HTR7: variants seen among roughly 807,000 people sequenced by gnomAD.
HTR7 encodes the protein 5-hydroxytryptamine receptor 7.
In HTR7, 16 loss-of-function variants were observed where a neutral mutation model predicts 34.0. That is an observed-to-expected ratio of 0.47 (90% CI 0.32 to 0.71). HTR7 has a LOEUF of 0.71. Ranked by LOEUF, HTR7 falls within the 30% of genes least tolerant of loss-of-function variation. The pLI is 0.04. For synonymous variants in HTR7, 265 were observed against 260.2 expected, an observed-to-expected ratio of 1.02 and a Z score of -0.18; for missense variants, 504 against 625.5, an observed-to-expected ratio of 0.81 and a Z score of 2.07.
chr10:90,838,245 G>A (rs185346294), intron 1 of HTR7, among the ~76,000 whole-genome samples: 18 of 152,218 alleles, frequency 1.2e-4, no homozygotes, highest in African/African-American at 3.9e-4. Flanking sequence ...ATCATGTCTT[G>A]GTAAACAGTA....
At chr10:90,830,614 C>T (rs952885092) in intron 1 of HTR7, among the ~76,000 whole-genome samples, 1 of 151,908 alleles carries the variant, frequency 6.6e-6, no homozygotes, top group African/African-American at 2.4e-5. Flanking sequence ...GATGAAACCC[C>T]ATCTCTACAA....
intron 1 of HTR7, among the ~76,000 whole-genome samples, chr10:90,807,226 G>C (rs561220285): frequency 7.2e-5 from 11 of 152,142 alleles, no homozygotes; most frequent in Non-Finnish European, 1.6e-4. Flanking sequence ...GGTATTCTTA[G>C]AGAACAGCTG....
chr10:90,773,284 T>C (rs1355975795), intron 1 of HTR7, among the ~76,000 whole-genome samples: 3 of 152,200 alleles, frequency 2.0e-5, no homozygotes, highest in African/African-American at 4.8e-5. Flanking sequence ...GAAAAAATGC[T>C]CCTTTTAATG....
chr10:90,824,399 G>A (rs1329393630), intron 1 of HTR7, among the ~76,000 whole-genome samples: 1 of 152,206 alleles, frequency 6.6e-6, no homozygotes, highest in Non-Finnish European at 1.5e-5. Context: ...TGTGAGCCTT[G>A]GATGAGACTC....
intron 1 of HTR7, among the ~76,000 whole-genome samples, chr10:90,838,701 C>T (rs11596991): frequency 0.047 from 7,204 of 152,274 alleles, 196 homozygotes; most frequent in Admixed American, 0.061. Flanking sequence ...CTCCTCCAAT[C>T]ACACTGGCCC....
intron 1 of HTR7, among the ~76,000 whole-genome samples, chr10:90,820,083 C>A (rs1845955182): frequency 6.6e-6 from 1 of 152,164 alleles, no homozygotes; most frequent in Non-Finnish European, 1.5e-5. Flanking sequence ...CAAGCTGCTT[C>A]TGCATTCTGG....
Position 90,742,781 on chromosome 10 carries a change from C to T in HTR7, c.1394-253G>A, listed in dbSNP as rs925003343. ...GCCCCAAATAACCCATTTAGAAATT[C>T]ACCTTTTTAATACAGCTATAGCAAA... On this transcript the variant is annotated intron_variant, in intron 3 of 3. Transcript: ENST00000336152. 2.6e-5 allele frequency among the ~76,000 whole-genome samples: 4 copies of T among 152,168 alleles called. 1 individual carries two copies. Among genetic ancestry groups the T allele is most frequent in the Non-Finnish European group, 5.9e-5 (4 of 68,014 alleles).
intron 1 of HTR7, among the ~76,000 whole-genome samples, chr10:90,843,229 T>A (rs909668138): frequency 6.6e-6 from 1 of 151,974 alleles, no homozygotes; most frequent in African/African-American, 2.4e-5. Context: ...TCCACAAAGA[T>A]TAACTGAACA....
At chr10:90,805,565 C>G (rs548686714) in intron 1 of HTR7, among the ~76,000 whole-genome samples, 2 of 152,292 alleles carry the variant, frequency 1.3e-5, no homozygotes, top group Admixed American at 6.5e-5. Flanking sequence ...TCTACTTTCT[C>G]TCCCCTAAGA....
rs553417301 is a variant in HTR7 at position 90,775,317 on chromosome 10, A to G, written c.540-25723T>C. Among the ~76,000 whole-genome samples, 5 of 152,308 alleles carry G rather than the reference A, an allele frequency of 3.3e-5. No homozygotes were observed. The East Asian group carries it at 7.7e-4, about 23-fold the overall frequency. ...TCAGGCCGTGCTCGGTGCTGTGTAG[A>G]CAATTACAGGGATAGAGGGAGGGGG... On this transcript the variant is annotated intron_variant, in intron 1 of 3. Coordinates refer to ENST00000336152, the MANE Select transcript of HTR7 (RefSeq NM_019859.4).
intron 1 of HTR7, among the ~76,000 whole-genome samples, chr10:90,803,112 A>C (rs1845655111): frequency 6.7e-6 from 1 of 148,190 alleles, no homozygotes; most frequent in African/African-American, 2.5e-5. Flanking sequence ...AATTTGTCTG[A>C]GGGGTATAAA....
intron 1 of HTR7, among the ~76,000 whole-genome samples, chr10:90,792,282 C>A (rs1282226806): frequency 6.6e-6 from 1 of 152,054 alleles, no homozygotes; most frequent in African/African-American, 2.4e-5. Flanking sequence ...CCTTCAGCGT[C>A]TAATTGGGTA....
chr10:90,799,602 C>T (rs1018658629), intron 1 of HTR7, among the ~76,000 whole-genome samples: 1 of 152,068 alleles, frequency 6.6e-6, no homozygotes. Context: ...CCTCAAATTG[C>T]TTGACAAAGA....
intron 1 of HTR7, among the ~76,000 whole-genome samples, chr10:90,842,764 T>C (rs991261378): frequency 5.9e-5 from 9 of 152,084 alleles, no homozygotes; most frequent in African/African-American, 2.2e-4. Context: ...TTGCCTATGT[T>C]CTCACACTGC....
intron 1 of HTR7, among the ~76,000 whole-genome samples, chr10:90,820,138 TTGG>T (rs1845955855): frequency 6.6e-6 from 1 of 152,138 alleles, no homozygotes; most frequent in Non-Finnish European, 1.5e-5. Context: ...AGTCTTTTGT[TTGG>T]TATGGCACAG....
chr10:90,744,910 C>T (rs1844610719), intron 2 of HTR7, among the ~76,000 whole-genome samples: 1 of 152,204 alleles, frequency 6.6e-6, no homozygotes, highest in Admixed American at 6.5e-5. Flanking sequence ...TAAGCTCCCA[C>T]ATTGGTGCCT....
At chr10:90,805,733 A>G (rs1439274791) in intron 1 of HTR7, among the ~76,000 whole-genome samples, 5 of 152,216 alleles carry the variant, frequency 3.3e-5, no homozygotes, top group African/African-American at 4.8e-5. Flanking sequence ...ATCTGCTTCT[A>G]TGTGTCTATA....
At chr10:90,784,956 T>C (rs751806029) in intron 1 of HTR7, among the ~76,000 whole-genome samples, 4 of 152,242 alleles carry the variant, frequency 2.6e-5, no homozygotes, top group Admixed American at 1.3e-4. Flanking sequence ...GAACATTCCA[T>C]AGACTTCTTC....
chr10:90,779,138 G>C (rs58361480), intron 1 of HTR7, among the ~76,000 whole-genome samples: 4,672 of 152,240 alleles, frequency 0.031, 213 homozygotes, highest in African/African-American at 0.098. Flanking sequence ...TTGTTTCCTT[G>C]CACAGCCCCC....
Sources: gnomAD v4.1 joint callset for allele counts (sites outside exome capture counted in the v4.1 genomes callset) on GRCh38, gnomAD v4.1.1 for gene constraint, MANE v1.5 for transcripts, NCBI Gene and HGNC (gene_info 2026-07-23, HGNC 2026-07-21) for gene names.